The following ZSWIM6 variants were observed in gnomAD, a reference collection of about 807,000 sequenced individuals.
ZSWIM6 encodes zinc finger SWIM-type containing 6, also known as zinc finger SWIM domain-containing protein 6.
In ZSWIM6, 9 loss-of-function variants were observed where a neutral mutation model predicts 113.2. The ratio of observed to expected loss-of-function variants is 0.08; its 90% confidence interval spans 0.05 to 0.14. The LOEUF (loss-of-function observed/expected upper bound fraction) is 0.14, where lower values mean the gene tolerates loss of function less well. Among genes scored for constraint, ZSWIM6 ranks in the 10% least tolerant of loss-of-function variants. The pLI is 1.00. For synonymous variants in ZSWIM6, 611 were observed against 606.5 expected, an observed-to-expected ratio of 1.01 and a Z score of -0.11; for missense variants, 1,162 against 1,552.2, an observed-to-expected ratio of 0.75 and a Z score of 4.22.
In ZSWIM6 at chr5:61,525,873, C is replaced by G. The variant is rs1171607746; in HGVS notation, c.1587C>G (p.Ser529Arg). 2.6e-6 allele frequency: 4 copies of G among 1,551,784 alleles called. No homozygotes were observed. The African/African-American group carries it at 4.1e-5, about 16-fold the overall frequency. ...IEACDLHWQD[S>R]HLQHIISSDL... ...CATGCGATCTCCACTGGCAGGATAG[C>G]CACTTGCAGCACATTATCAGCAGTG... The change falls in exon 6 of 14, where the codon AGC becomes AGG. Residue 529 changes from serine to arginine, a missense_variant. Transcript: ENST00000252744.
At chr5:61,335,663 A>C (rs572297886) in intron 1 of ZSWIM6, among the ~76,000 whole-genome samples, 2 of 152,390 alleles carry the variant, frequency 1.3e-5, no homozygotes, top group East Asian at 1.9e-4. Context: ...CAAAATTACA[A>C]GTGTACAGAA....
At chr5:61,427,920 AT>A (rs919362310) in intron 1 of ZSWIM6, among the ~76,000 whole-genome samples, 15 of 150,498 alleles carry the variant, frequency 1.0e-4, no homozygotes, top group African/African-American at 3.4e-4. Context: ...ATTTAACATG[AT>A]TTTTTTTTTC....
chr5:61,481,737 T>G (rs1451174617), intron 2 of ZSWIM6, among the ~76,000 whole-genome samples: 1 of 152,074 alleles, frequency 6.6e-6, no homozygotes, highest in Non-Finnish European at 1.5e-5. Context: ...TCTCCTTTGC[T>G]TTCTGCCTGT....
intron 1 of ZSWIM6, among the ~76,000 whole-genome samples, chr5:61,459,069 C>T (rs965645895): frequency 6.6e-6 from 1 of 152,074 alleles, no homozygotes; most frequent in African/African-American, 2.4e-5. Context: ...TTAATTAGCA[C>T]TCTTTCACAT....
chr5:61,333,344 G>A (rs1461108604), intron 1 of ZSWIM6, among the ~76,000 whole-genome samples: 1 of 151,898 alleles, frequency 6.6e-6, no homozygotes, highest in Non-Finnish European at 1.5e-5. Context: ...GGGGCTGTGC[G>A]GGGCGGGGGA....
chr5:61,474,276 T>G (rs1004239980), intron 2 of ZSWIM6, among the ~76,000 whole-genome samples: 2 of 152,248 alleles, frequency 1.3e-5, no homozygotes, highest in Admixed American at 6.5e-5. Context: ...CTTCTTTCAC[T>G]CAGAATCATG....
At chr5:61,538,332 A>G (rs555984266) in intron 10 of ZSWIM6, among the ~76,000 whole-genome samples, 21 of 152,188 alleles carry the variant, frequency 1.4e-4, no homozygotes, top group Middle Eastern at 3.2e-3. Context: ...TTCTTGTTTT[A>G]TGTTTAAATA....
Position 61,332,345 on chromosome 5 carries a change from G to T in ZSWIM6, c.73G>T (p.Gly25Trp). 1.9e-6 allele frequency: 2 copies of T among 1,043,688 alleles called. No homozygotes were observed. Among genetic ancestry groups the T allele is most frequent in the East Asian group, 4.9e-5 (1 of 20,262 alleles). 64.7% of individuals were successfully genotyped at this position (1,043,688 alleles called of 1,614,324 possible). A position where few individuals can be genotyped will look rare whatever the true frequency, so the allele number is the denominator to read the frequency against. The part of the protein sequence containing the change: ...CCRPGGGGGG[G>W]GSSGGGGGAG... ...CCGGCCGGGCGGCGGCGGCGGCGGCGGGGGCAGCAGCGGCGGCGGCGGCGG... is the reference window on the plus strand; with the variant it reads ...CCGGCCGGGCGGCGGCGGCGGCGGCTGGGGCAGCAGCGGCGGCGGCGGCGG... Residue 25 changes from glycine (G) to tryptophan (W), a missense_variant, in exon 1 of 14, where the codon GGG becomes TGG. Transcript: ENST00000252744.
intron 1 of ZSWIM6, among the ~76,000 whole-genome samples, chr5:61,415,570 C>T (rs1050396726): frequency 3.4e-5 from 5 of 149,196 alleles, no homozygotes; most frequent in Admixed American, 2.7e-4. Context: ...CCAGCCTGGG[C>T]GACAGAGTGA....
chr5:61,437,464 T>C (rs1003933837), intron 1 of ZSWIM6, among the ~76,000 whole-genome samples: 1 of 152,134 alleles, frequency 6.6e-6, no homozygotes, highest in African/African-American at 2.4e-5. Context: ...GGCTCACGCC[T>C]GTAGTCCTAG....
In ZSWIM6 at chr5:61,543,783, G is replaced by A; in HGVS notation, c.3114G>A (p.Glu1038=). 1 of 1,551,832 alleles carries A rather than the reference G, an allele frequency of 6.4e-7. No homozygotes were observed. The highest frequency in any genetic ancestry group is 8.7e-7 in the Non-Finnish European group (1 of 1,147,032). The change falls in exon 14 of 14, where the codon GAG becomes GAA. Residue 1038 remains glutamate (E), a synonymous_variant. Coordinates refer to ENST00000252744, the MANE Select transcript of ZSWIM6 (RefSeq NM_020928.2). The surrounding 1 kb of genome is among the most constrained non-coding windows in gnomAD (Gnocchi z 4.3). ...TQLFTIARYM[E]HRGYPMRAYK... ...TCTTTACAATAGCACGGTACATGGAGCACCGCGGGTACCCCATGAGGGCCT... is the reference window on the plus strand; with the variant it reads ...TCTTTACAATAGCACGGTACATGGAACACCGCGGGTACCCCATGAGGGCCT...
intron 2 of ZSWIM6, among the ~76,000 whole-genome samples, chr5:61,483,493 A>G (rs1161980852): frequency 6.6e-6 from 1 of 152,158 alleles, no homozygotes; most frequent in Non-Finnish European, 1.5e-5. Flanking sequence ...ATTTTTCTCC[A>G]CTTGAACCAA....
chr5:61,491,057 C>A, intron 3 of ZSWIM6, 123 bp downstream of exon 3: 2 of 858,950 alleles, frequency 2.3e-6, no homozygotes, highest in Non-Finnish European at 3.2e-6. Context: ...TCTTAGCTGA[C>A]CAATAGAAAC....
At chr5:61,491,777 G>A (rs914617518) in intron 3 of ZSWIM6, among the ~76,000 whole-genome samples, 1 of 151,596 alleles carries the variant, frequency 6.6e-6, no homozygotes, top group African/African-American at 2.4e-5. Context: ...TGATGCTTTT[G>A]TTGAATATCT....
chr5:61,374,184 G>A (rs1745321861), intron 1 of ZSWIM6, among the ~76,000 whole-genome samples: 4 of 152,148 alleles, frequency 2.6e-5, no homozygotes, highest in African/African-American at 9.7e-5. Context: ...TTATGTTAGG[G>A]GTGATATGTT....
At chr5:61,385,580 C>G (rs1339606273) in intron 1 of ZSWIM6, among the ~76,000 whole-genome samples, 1 of 152,186 alleles carries the variant, frequency 6.6e-6, no homozygotes, top group Non-Finnish European at 1.5e-5. Context: ...TAATTTGTTT[C>G]TAGTATCTTG....
intron 1 of ZSWIM6, among the ~76,000 whole-genome samples, chr5:61,466,339 T>C (rs1365691183): frequency 6.6e-6 from 1 of 152,188 alleles, no homozygotes; most frequent in African/African-American, 2.4e-5. Context: ...ATTAACACTT[T>C]TGCATTTTTA....
At chr5:61,361,878 A>T (rs1271821344) in intron 1 of ZSWIM6, among the ~76,000 whole-genome samples, 17 of 152,204 alleles carry the variant, frequency 1.1e-4, no homozygotes. Flanking sequence ...AATATACTTT[A>T]AGGACAAGAT....
chr5:61,439,758 C>T (rs950015521), intron 1 of ZSWIM6, among the ~76,000 whole-genome samples: 3 of 152,016 alleles, frequency 2.0e-5, no homozygotes, highest in Non-Finnish European at 4.4e-5. Flanking sequence ...GGAATGGAAT[C>T]GTTGGGTCAT....
Sources: allele counts gnomAD v4.1 joint callset (sites outside exome capture counted in the v4.1 genomes callset), GRCh38; gene constraint gnomAD v4.1.1; non-coding constraint Gnocchi (gnomAD v3.1); transcripts MANE v1.5; gene names NCBI Gene and HGNC (gene_info 2026-07-23, HGNC 2026-07-21).